Variants in TRPM3 observed in about 807,000 individuals in gnomAD.
The protein encoded by TRPM3 is long transient receptor potential channel 3.
In TRPM3, 77 loss-of-function variants were observed where a neutral mutation model predicts 181.2. That is an observed-to-expected ratio of 0.42 (90% CI 0.35 to 0.51). The LOEUF is 0.51. Among genes scored for constraint, TRPM3 ranks in the 20% least tolerant of loss-of-function variants. The pLI, the probability that TRPM3 is intolerant of heterozygous loss-of-function variation, is 0.01. For synonymous variants in TRPM3, 745 were observed against 796.4 expected (o/e 0.94, Z 1.09); for missense variants, 1,759 against 2,196.7 (o/e 0.80, Z 3.98).
At chr9:71,192,448 C>T (rs566249467) in intron 1 of TRPM3, among the ~76,000 whole-genome samples, 1 of 151,946 alleles carries the variant, frequency 6.6e-6, no homozygotes, top group East Asian at 1.9e-4. Context: ...TGATAACAGC[C>T]ATCCTAAAAA....
intron 1 of TRPM3, among the ~76,000 whole-genome samples, chr9:71,242,715 T>A (rs2081784612): frequency 6.6e-6 from 1 of 152,208 alleles, no homozygotes; most frequent in Admixed American, 6.5e-5. Context: ...GTCTTTTCCC[T>A]AATCTTCCTA....
intron 1 of TRPM3, among the ~76,000 whole-genome samples, chr9:70,904,490 T>G (rs1311087083): frequency 6.6e-6 from 1 of 151,612 alleles, no homozygotes; most frequent in East Asian, 1.9e-4. Flanking sequence ...TGGGGAAGAG[T>G]GCAAAGAAGG....
At chr9:71,298,418 T>A (rs1206449967) in intron 1 of TRPM3, among the ~76,000 whole-genome samples, 5 of 151,856 alleles carry the variant, frequency 3.3e-5, no homozygotes, top group Admixed American at 3.3e-4. Context: ...CTGATTAAAA[T>A]CTGATTCCCC....
intron 1 of TRPM3, among the ~76,000 whole-genome samples, chr9:71,356,664 G>A (rs997093125): frequency 1.5e-4 from 23 of 152,144 alleles, no homozygotes; most frequent in Non-Finnish European, 2.2e-4. Flanking sequence ...CTGGCCCATA[G>A]TAATTTCTCT....
chr9:70,630,653 T>A (rs893501593), intron 12 of TRPM3, among the ~76,000 whole-genome samples: 6 of 152,134 alleles, frequency 3.9e-5, no homozygotes, highest in African/African-American at 1.4e-4. Context: ...TTCTAGCACT[T>A]CCCCCTCCCC....
chr9:71,022,002 G>T (rs1391597620), intron 1 of TRPM3, among the ~76,000 whole-genome samples: 2 of 152,182 alleles, frequency 1.3e-5, no homozygotes, highest in African/African-American at 4.8e-5. Context: ...TTGGAATGAA[G>T]ATGGTGACTG....
At chr9:70,584,294 G>T (rs1255371986) in intron 22 of TRPM3, among the ~76,000 whole-genome samples, 1 of 152,102 alleles carries the variant, frequency 6.6e-6, no homozygotes, top group Non-Finnish European at 1.5e-5. Context: ...TCAAGTAGAA[G>T]TTGCACATTT....
At chr9:70,643,936 A>T (rs893859227) in intron 9 of TRPM3, among the ~76,000 whole-genome samples, 4 of 152,228 alleles carry the variant, frequency 2.6e-5, no homozygotes, top group African/African-American at 9.6e-5. Flanking sequence ...ATGCCTCCTT[A>T]TATGGGAGGC....
intron 1 of TRPM3, among the ~76,000 whole-genome samples, chr9:71,304,160 AAATT>A (rs1349657121): frequency 6.6e-6 from 1 of 152,206 alleles, no homozygotes; most frequent in Non-Finnish European, 1.5e-5. Context: ...TGGTGTACAT[AAATT>A]GTCTACACAG....
chr9:71,127,352 C>T (rs1038896220), intron 1 of TRPM3, among the ~76,000 whole-genome samples: 6 of 136,276 alleles, frequency 4.4e-5, no homozygotes, highest in African/African-American at 8.2e-5. Flanking sequence ...TCTTTTTCAC[C>T]CTGACTTCTA....
chr9:71,425,540 A>C (rs531357864), intron 1 of TRPM3, among the ~76,000 whole-genome samples: 1 of 152,136 alleles, frequency 6.6e-6, no homozygotes, highest in Non-Finnish European at 1.5e-5. Context: ...TTAGAAGATC[A>C]GTCCATTTCT....
At chr9:71,065,618 T>C (rs2061822729) in intron 1 of TRPM3, among the ~76,000 whole-genome samples, 1 of 152,224 alleles carries the variant, frequency 6.6e-6, no homozygotes, top group African/African-American at 2.4e-5. Flanking sequence ...TATTGATGAT[T>C]ACAGCAAAAC....
At chr9:71,319,374 G>A (rs754820235) in intron 1 of TRPM3, among the ~76,000 whole-genome samples, 19 of 152,160 alleles carry the variant, frequency 1.2e-4, no homozygotes, top group Non-Finnish European at 2.4e-4. Flanking sequence ...AACCAGTGAA[G>A]CCAAGGGTGT....
At chr9:71,375,080 A>G (rs996030982) in intron 1 of TRPM3, among the ~76,000 whole-genome samples, 1 of 152,204 alleles carries the variant, frequency 6.6e-6, no homozygotes, top group Non-Finnish European at 1.5e-5. Context: ...TCACAGAACT[A>G]GAAAAAACTA....
intron 1 of TRPM3, among the ~76,000 whole-genome samples, chr9:71,141,225 C>T (rs989667408): frequency 1.3e-5 from 2 of 152,026 alleles, no homozygotes; most frequent in African/African-American, 2.4e-5. Flanking sequence ...ACTAAGACTG[C>T]GTAACTTAAT....
chr9:70,602,415 A>G (rs1215943709), intron 20 of TRPM3, among the ~76,000 whole-genome samples: 2 of 152,120 alleles, frequency 1.3e-5, no homozygotes, highest in African/African-American at 2.4e-5. Context: ...TATGGTGCCC[A>G]GTATGTTTTC....
chr9:71,384,140 A>C (rs2092872724), intron 1 of TRPM3, among the ~76,000 whole-genome samples: 1 of 152,220 alleles, frequency 6.6e-6, no homozygotes. Context: ...TATACATCAG[A>C]AAACTTAAAT....
chr9:70,739,384 A>T (rs988949274), intron 8 of TRPM3, among the ~76,000 whole-genome samples: 1 of 152,208 alleles, frequency 6.6e-6, no homozygotes, highest in Admixed American at 6.5e-5. Flanking sequence ...AAATCACATG[A>T]TCATCTCAAT....
chr9:71,016,497 G>C (rs983649937), intron 1 of TRPM3, among the ~76,000 whole-genome samples: 1 of 151,958 alleles, frequency 6.6e-6, no homozygotes, highest in African/African-American at 2.4e-5. Context: ...TCTCATATAA[G>C]TGGAACCATA....
Sources: allele counts gnomAD v4.1 joint callset (sites outside exome capture counted in the v4.1 genomes callset), GRCh38; gene constraint gnomAD v4.1.1; transcripts MANE v1.5; gene names NCBI Gene and HGNC (gene_info 2026-07-23, HGNC 2026-07-21).